The following GLOD4 variants were observed in gnomAD, a reference collection of about 807,000 sequenced individuals.
The protein encoded by GLOD4 is glyoxalase domain-containing protein 4.
A neutral mutation model predicts 39.1 loss-of-function variants in GLOD4; 44 were observed. The ratio of observed to expected loss-of-function variants is 1.13; its 90% confidence interval spans 0.88 to 1.45. The LOEUF is 1.45. GLOD4 is among the 40% of genes most tolerant of loss of function. The pLI is 0.00. For missense variants in GLOD4, 405 were observed against 366.4 expected, an observed-to-expected ratio of 1.11 and a Z score of -0.86; for synonymous variants, 145 against 135.0, an observed-to-expected ratio of 1.07 and a Z score of -0.52.
At chr17:785,138 A>G (rs766689516), upstream of GLOD4, among the ~76,000 whole-genome samples, 5 of 152,082 alleles carry the variant, frequency 3.3e-5, no homozygotes, top group Non-Finnish European at 5.9e-5. Flanking sequence ...AATTATACAT[A>G]AAGAGTTTAG....
At chr17:784,167 A>T (rs1597594140), upstream of GLOD4, among the ~76,000 whole-genome samples, 1 of 152,216 alleles carries the variant, frequency 6.6e-6, no homozygotes, top group African/African-American at 2.4e-5. Context: ...ATATGAGAAG[A>T]TAAGTTTTTC....
chr17:765,365 TGGTTACGTTCAGGGCA>T (rs1906331845), intron 8 of GLOD4: 1 of 150,812 alleles, frequency 6.6e-6, no homozygotes, highest in Non-Finnish European at 1.5e-5. Context: ...GCCAGGATGA[TGGTTACGTTCAGGGCA>T]GAGGTAAGGA....
At chr17:782,561 ACCATCTGAGG>A, upstream of GLOD4, 1 of 1,614,020 alleles carries the variant, frequency 6.2e-7, no homozygotes, top group East Asian at 2.2e-5. Flanking sequence ...CCCGCAAGGC[ACCATCTGAGG>A]CCAGTGCCCA....
intron 8 of GLOD4, among the ~76,000 whole-genome samples, 169 bp from the exon 9 acceptor site, chr17:760,407 AT>A (rs1905242014): frequency 6.6e-6 from 1 of 152,216 alleles, no homozygotes; most frequent in African/African-American, 2.4e-5. Flanking sequence ...ATTTTTTAAC[AT>A]TTAAAGAGTA....
At chr17:770,259 C>CGCCATTT (rs1238468246) in intron 6 of GLOD4, 102 bp from the exon 7 acceptor site, 3 of 764,814 alleles carry the variant, frequency 3.9e-6, no homozygotes, top group African/African-American at 1.7e-5. Flanking sequence ...AGAACCAAGG[C>CGCCATTT]GCCATTTGTT....
upstream of GLOD4, chr17:783,512 T>G: frequency 1.9e-6 from 1 of 533,760 alleles, no homozygotes; most frequent in Non-Finnish European, 3.2e-6. Flanking sequence ...GATTTTTGTA[T>G]TTTTAGTAGA....
At chr17:776,122 G>C (rs1412047386) in intron 3 of GLOD4, among the ~76,000 whole-genome samples, 1 of 152,150 alleles carries the variant, frequency 6.6e-6, no homozygotes, top group Non-Finnish European at 1.5e-5. Flanking sequence ...TGAATAATAG[G>C]ACAGAAATTG....
At chr17:773,782 A>AT (rs1284986950) in intron 4 of GLOD4, among the ~76,000 whole-genome samples, 1 of 152,096 alleles carries the variant, frequency 6.6e-6, no homozygotes, top group Non-Finnish European at 1.5e-5. Flanking sequence ...GGCAGGCTCC[A>AT]TTTTTTTCTT....
rs144372729 is a variant in GLOD4, at chr17:760,690, C to T, written c.832-452G>A. ...TAGTGAGGCCAAATATGAAACTCTA[C>T]GTGATGTTTTAGTGATGAAGCCTGG... On this transcript the variant is annotated intron_variant, in intron 8 of 8. Coordinates refer to ENST00000301329, the MANE Select transcript of GLOD4 (RefSeq NM_016080.4). 1.3e-3 allele frequency among the ~76,000 whole-genome samples: 197 copies of T among 152,314 alleles called. 1 individual carries two copies. Among genetic ancestry groups the T allele is most frequent in the African/African-American group, 4.5e-3 (186 of 41,576 alleles).
chr17:769,236 G>C (rs1025007528), intron 8 of GLOD4, among the ~76,000 whole-genome samples: 1 of 150,946 alleles, frequency 6.6e-6, no homozygotes, highest in East Asian at 2.0e-4. Flanking sequence ...GCATCTCCAC[G>C]GGGAGAGCTG....
chr17:773,300 C>A (rs1908307962), intron 4 of GLOD4, among the ~76,000 whole-genome samples: 1 of 152,158 alleles, frequency 6.6e-6, no homozygotes, highest in Non-Finnish European at 1.5e-5. Flanking sequence ...AAGACATTCA[C>A]CAGTGTTGCT....
chr17:776,334 T>G (rs1036856079), intron 3 of GLOD4, among the ~76,000 whole-genome samples: 14 of 152,212 alleles, frequency 9.2e-5, no homozygotes, highest in Admixed American at 1.3e-4. Flanking sequence ...TGCCTAGAAA[T>G]GTACACGTGT....
intron 8 of GLOD4, chr17:763,975 A>C (rs1906005369): frequency 6.6e-6 from 1 of 152,262 alleles, no homozygotes; most frequent in South Asian, 2.1e-4. Context: ...ACTACAGTAC[A>C]GAGTCAAGGT....
intron 1 of GLOD4, among the ~76,000 whole-genome samples, chr17:779,342 A>G (rs1363775258): frequency 6.7e-6 from 1 of 148,906 alleles, no homozygotes; most frequent in Non-Finnish European, 1.5e-5. Flanking sequence ...AAAAAAAAAA[A>G]AAAAAAGATG....
intron 5 of GLOD4, 95 bp downstream of exon 5, chr17:771,230 T>A: frequency 1.4e-6 from 1 of 717,392 alleles, no homozygotes; most frequent in Non-Finnish European, 2.3e-6. Flanking sequence ...ACAACCTTCA[T>A]GTTAACTTCA....
upstream of GLOD4, among the ~76,000 whole-genome samples, chr17:784,262 G>T (rs1910430584): frequency 6.6e-6 from 1 of 152,328 alleles, no homozygotes; most frequent in African/African-American, 2.4e-5. Context: ...ACCATCTCTT[G>T]TCTCTGTAAC....
At chr17:761,093 G>A (rs1003360598) in intron 8 of GLOD4, among the ~76,000 whole-genome samples, 14 of 152,300 alleles carry the variant, frequency 9.2e-5, no homozygotes, top group African/African-American at 2.2e-4. Flanking sequence ...AGAGACAGTC[G>A]GAAGCTTTGA....
intron 8 of GLOD4, among the ~76,000 whole-genome samples, chr17:763,376 C>T (rs1905870470): frequency 6.6e-6 from 1 of 150,676 alleles, no homozygotes; most frequent in East Asian, 2.0e-4. Flanking sequence ...GACATGGTGG[C>T]GGGTGCCTGT....
intron 5 of GLOD4, 186 bp from the exon 6 acceptor site, chr17:770,693 A>ACT: frequency 2.4e-6 from 1 of 413,074 alleles, no homozygotes; most frequent in Non-Finnish European, 4.2e-6. Flanking sequence ...GCACGCATCT[A>ACT]TGTTTTTTTT....
Sources: gnomAD v4.1 joint callset for allele counts (sites outside exome capture counted in the v4.1 genomes callset) on GRCh38, gnomAD v4.1.1 for gene constraint, MANE v1.5 for transcripts, NCBI Gene and HGNC (gene_info 2026-07-23, HGNC 2026-07-21) for gene names.